ROBO1: variants seen among roughly 807,000 people sequenced by gnomAD.
The protein encoded by ROBO1 is roundabout guidance receptor 1, also known as roundabout homolog 1.
In ROBO1, 149 loss-of-function variants were observed where a neutral mutation model predicts 195.9. The observed-to-expected ratio is 0.76, with a 90% CI of 0.67 to 0.87. The LOEUF (loss-of-function observed/expected upper bound fraction) is 0.87. Ranked by LOEUF, ROBO1 falls within the 40% of genes least tolerant of loss-of-function variation. The probability of loss-of-function intolerance (pLI) is 0.00; values close to 1 mark genes in which losing one functional copy is unlikely to be tolerated. For missense variants in ROBO1, 1,933 were observed against 2,068.3 expected (o/e 0.93, Z 1.27); for synonymous variants, 816 against 733.2 (o/e 1.11, Z -1.82).
chr3:78,947,269 G>C (rs923728666), intron 3 of ROBO1, among the ~76,000 whole-genome samples: 1 of 152,112 alleles, frequency 6.6e-6, no homozygotes, highest in Non-Finnish European at 1.5e-5. Context: ...CCACATAGTA[G>C]GAAGTAAAGC....
chr3:79,348,198 G>A (rs941934552), intron 2 of ROBO1, among the ~76,000 whole-genome samples: 6 of 133,528 alleles, frequency 4.5e-5, no homozygotes, highest in Admixed American at 1.7e-4. Flanking sequence ...GAGACACAAA[G>A]AGACTCCATC....
At chr3:79,105,889 T>C (rs917513497) in intron 3 of ROBO1, among the ~76,000 whole-genome samples, 2 of 151,762 alleles carry the variant, frequency 1.3e-5, no homozygotes, top group Admixed American at 6.6e-5. Flanking sequence ...GAAATATTTA[T>C]TTTTGTAGAA....
At chr3:78,935,571 A>G (rs1191117957) in intron 4 of ROBO1, among the ~76,000 whole-genome samples, 2 of 152,038 alleles carry the variant, frequency 1.3e-5, no homozygotes, top group Non-Finnish European at 2.9e-5. Context: ...TAGACCCACA[A>G]ACTATTTTCC....
chr3:78,687,162 A>G (rs921429705), intron 9 of ROBO1, among the ~76,000 whole-genome samples: 9 of 150,760 alleles, frequency 6.0e-5, no homozygotes, highest in African/African-American at 2.0e-4. Flanking sequence ...AATAACTTAA[A>G]TGAATCATCA....
intron 2 of ROBO1, among the ~76,000 whole-genome samples, chr3:79,208,756 G>A (rs894725116): frequency 4.6e-5 from 7 of 151,402 alleles, no homozygotes; most frequent in African/African-American, 1.7e-4. Context: ...ATGTGTGGTT[G>A]GCGGGGGCAT....
intron 3 of ROBO1, among the ~76,000 whole-genome samples, chr3:79,061,192 T>C (rs1266397993): frequency 6.6e-6 from 1 of 152,042 alleles, no homozygotes; most frequent in African/African-American, 2.4e-5. Flanking sequence ...TCACAAGCAC[T>C]CCTATACGCT....
At chr3:79,260,087 T>TAC (rs149306958) in intron 2 of ROBO1, among the ~76,000 whole-genome samples, 2,531 of 148,738 alleles carry the variant, frequency 0.017, 25 homozygotes, top group South Asian at 0.031. Context: ...TAAATATATG[T>TAC]ACACACACAC....
At chr3:79,289,924 T>C (rs1285021055) in intron 2 of ROBO1, among the ~76,000 whole-genome samples, 1 of 152,050 alleles carries the variant, frequency 6.6e-6, no homozygotes, top group East Asian at 1.9e-4. Context: ...GCAGTTTCAA[T>C]AGTTAAATGG....
rs148737394 is a variant in ROBO1, at chr3:79,343,768, A to G, written c.89-218229T>C. Among the ~76,000 whole-genome samples the G allele has an allele frequency of 3.7e-4, 57 of 152,288 alleles. 1 individual carries two copies. The highest frequency in any genetic ancestry group is 1.3e-3 in the African/African-American group (55 of 41,574). On this transcript the variant is annotated intron_variant, in intron 2 of 30. Transcript: ENST00000464233. ...GGAAGAACAGCAAACAAAGATGTAG[A>G]AAAGAATCTGAGTGTCCTTTGAGCA...
intron 2 of ROBO1, among the ~76,000 whole-genome samples, chr3:79,375,325 T>A (rs2036342112): frequency 6.6e-6 from 1 of 152,140 alleles, no homozygotes; most frequent in Admixed American, 6.5e-5. Flanking sequence ...CTGAGTCTAC[T>A]ATGGCATGGA....
chr3:79,231,881 G>C (rs964052363), intron 2 of ROBO1, among the ~76,000 whole-genome samples: 1 of 152,058 alleles, frequency 6.6e-6, no homozygotes, highest in Non-Finnish European at 1.5e-5. Context: ...ATACTACATG[G>C]CCATAAAAAA....
chr3:78,672,262 A>AC (rs1376341504), intron 10 of ROBO1, among the ~76,000 whole-genome samples: 1 of 151,788 alleles, frequency 6.6e-6, no homozygotes, highest in Non-Finnish European at 1.5e-5. Context: ...AACAACAACA[A>AC]AAAAAACTAT....
At chr3:79,275,706 T>G (rs1576909666) in intron 2 of ROBO1, among the ~76,000 whole-genome samples, 2 of 152,012 alleles carry the variant, frequency 1.3e-5, no homozygotes, top group East Asian at 3.9e-4. Context: ...GGTTGGCAGA[T>G]AATATGATCT....
intron 2 of ROBO1, among the ~76,000 whole-genome samples, chr3:79,168,668 C>T (rs1469138318): frequency 3.9e-5 from 6 of 152,140 alleles, no homozygotes; most frequent in Non-Finnish European, 8.8e-5. Flanking sequence ...TATCTCTAGT[C>T]ACTTCAACGT....
chr3:79,157,960 A>G (rs1017934199), intron 2 of ROBO1, among the ~76,000 whole-genome samples: 1 of 151,962 alleles, frequency 6.6e-6, no homozygotes, highest in Non-Finnish European at 1.5e-5. Context: ...TGCAGATAGC[A>G]GTTTATTTAA....
At chr3:79,184,982 C>T (rs1371743997) in intron 2 of ROBO1, among the ~76,000 whole-genome samples, 1 of 152,072 alleles carries the variant, frequency 6.6e-6, no homozygotes, top group Non-Finnish European at 1.5e-5. Flanking sequence ...TCTTCCATGT[C>T]CACATTCTAG....
rs541229542 is a variant in ROBO1, at chr3:78,793,335, T to C, written c.500-46435A>G. 5.3e-5 allele frequency among the ~76,000 whole-genome samples: 8 copies of C among 152,292 alleles called. No homozygotes were observed. In the East Asian group the frequency reaches 7.7e-4, roughly 15 times the overall value. On this transcript the variant is annotated intron_variant, in intron 4 of 30. Coordinates refer to ENST00000464233, the MANE Select transcript of ROBO1 (RefSeq NM_002941.4). ...CAGAATCTCCTGCAGAATTAAAAGA[T>C]AGCGATATCTGTCAAATTCACTAAT...
intron 4 of ROBO1, among the ~76,000 whole-genome samples, chr3:78,893,168 T>C (rs950790565): frequency 2.0e-5 from 3 of 152,228 alleles, no homozygotes; most frequent in Admixed American, 1.3e-4. Flanking sequence ...GTGGTTTGAA[T>C]GTGTCTTCTC....
At chr3:79,623,179 A>G (rs192668730) in intron 1 of ROBO1, among the ~76,000 whole-genome samples, 3 of 152,162 alleles carry the variant, frequency 2.0e-5, no homozygotes, top group Non-Finnish European at 4.4e-5. Flanking sequence ...CTTCACAATA[A>G]CTCCATCCAA....
Sources: allele counts gnomAD v4.1 joint callset (sites outside exome capture counted in the v4.1 genomes callset), GRCh38; gene constraint gnomAD v4.1.1; transcripts MANE v1.5; gene names NCBI Gene and HGNC (gene_info 2026-07-23, HGNC 2026-07-21).